Variants in SPSB4 observed in about 807,000 individuals in gnomAD.
The protein encoded by SPSB4 is splA/ryanodine receptor domain and SOCS box containing 4.
Under a neutral mutation model 20.9 loss-of-function variants are expected in SPSB4, and 21 were observed. That is an observed-to-expected ratio of 1.01 (90% CI 0.71 to 1.45). SPSB4 has a LOEUF of 1.45. Among genes scored for constraint, SPSB4 ranks in the 40% most tolerant of loss-of-function variants. The pLI is 0.00. For missense variants in SPSB4, 399 were observed against 399.2 expected (o/e 1.00, Z 0.00); for synonymous variants, 207 against 183.8 (o/e 1.13, Z -1.02).
chr3:141,100,842 G>C (rs1559848736), intron 2 of SPSB4, among the ~76,000 whole-genome samples: 1 of 152,148 alleles, frequency 6.6e-6, no homozygotes, highest in Non-Finnish European at 1.5e-5. Context: ...CAGGGGCCTA[G>C]GGAGAGAAGG....
chr3:141,141,812 A>C (rs1398348517), intron 2 of SPSB4, among the ~76,000 whole-genome samples: 1 of 151,898 alleles, frequency 6.6e-6, no homozygotes, highest in Admixed American at 6.6e-5. Context: ...ATCTCCTTTA[A>C]ATTTTCTAGT....
chr3:141,132,672 T>A (rs1041840787), intron 2 of SPSB4, among the ~76,000 whole-genome samples: 5 of 151,100 alleles, frequency 3.3e-5, no homozygotes, highest in African/African-American at 1.2e-4. Context: ...ATATATATAT[T>A]ATCATATTTG....
At chr3:141,069,425 C>T (rs867537615) in intron 2 of SPSB4, among the ~76,000 whole-genome samples, 6 of 152,240 alleles carry the variant, frequency 3.9e-5, no homozygotes, top group South Asian at 2.1e-4. Context: ...GAAGGTGACC[C>T]AAGGTGGATT....
At chr3:141,143,067 T>C (rs901064512) in intron 2 of SPSB4, among the ~76,000 whole-genome samples, 4 of 152,052 alleles carry the variant, frequency 2.6e-5, no homozygotes, top group Admixed American at 6.6e-5. Context: ...CTGCCCACCT[T>C]GGCCACCCAA....
At chr3:141,143,137 G>A (rs760701212) in intron 2 of SPSB4, among the ~76,000 whole-genome samples, 8 of 151,704 alleles carry the variant, frequency 5.3e-5, no homozygotes, top group South Asian at 2.1e-4. Context: ...TTTTTAAACT[G>A]TTGTTGCTTT....
intron 2 of SPSB4, among the ~76,000 whole-genome samples, chr3:141,130,347 A>G (rs1254804486): frequency 6.6e-6 from 1 of 152,192 alleles, no homozygotes; most frequent in Admixed American, 6.5e-5. Context: ...CAGGGGCATG[A>G]AAGCAATTCT....
chr3:141,137,091 T>C (rs1009897529), intron 2 of SPSB4, among the ~76,000 whole-genome samples: 58 of 152,182 alleles, frequency 3.8e-4, no homozygotes, highest in African/African-American at 1.3e-3. Context: ...TATTTTATTC[T>C]CTTTGAAGCA....
In SPSB4 at chr3:141,138,572, C is replaced by T. The variant is rs150904355; in HGVS notation, c.695-8570C>T. On this transcript the variant is annotated intron_variant, in intron 2 of 2. Transcript: ENST00000310546. ...TTGGTTTCAAAGAACATCTTTATTT[C>T]CGCCTTCATTTCCTTGTGAACCCAG... is the stretch of plus-strand genomic sequence containing the variant. Among the ~76,000 whole-genome samples, 1,454 of 152,230 alleles carry T rather than the reference C, an allele frequency of 9.6e-3. 27 individuals carry two copies. Among genetic ancestry groups the T allele is most frequent in the African/African-American group, 0.034 (1,395 of 41,520 alleles).
At chr3:141,055,952 C>T (rs541643440) in intron 1 of SPSB4, among the ~76,000 whole-genome samples, 3 of 152,152 alleles carry the variant, frequency 2.0e-5, no homozygotes, top group African/African-American at 2.4e-5. Flanking sequence ...ACTGGAGACC[C>T]GGCTTGAGAG....
chr3:141,087,377 G>A (rs1225940274), intron 2 of SPSB4, among the ~76,000 whole-genome samples: 1 of 152,214 alleles, frequency 6.6e-6, no homozygotes, highest in Admixed American at 6.5e-5. Context: ...CTTTAGTGAA[G>A]TGGTAGGAAG....
Position 141,066,580 on chromosome 3 carries a change from T to A in SPSB4, c.476T>A (p.Val159Glu), listed in dbSNP as rs1937885590. The A allele has an allele frequency of 1.0e-5, 16 of 1,558,264 alleles. No individual in the cohort carries two copies. The highest frequency in any genetic ancestry group is 1.4e-5 in the Non-Finnish European group (16 of 1,152,408). The change falls in exon 2 of 3, where the codon GTG becomes GAG. Residue 159 changes from valine to glutamate, a missense_variant. By Grantham distance (121) the Val-to-Glu change is moderately radical. Transcript: ENST00000310546. ...LYHDGKNQPG[V>E]AYPAFLGPDE... ...CACGACGGCAAGAACCAGCCCGGCG[T>A]GGCCTACCCGGCCTTTCTGGGGCCC... is the stretch of plus-strand genomic sequence containing the variant.
intron 2 of SPSB4, among the ~76,000 whole-genome samples, chr3:141,109,009 G>GTATT (rs1361349980): frequency 6.6e-6 from 1 of 152,152 alleles, no homozygotes; most frequent in East Asian, 1.9e-4. Flanking sequence ...GCTCTAACTG[G>GTATT]TATTTATTCA....
chr3:141,138,573 C>T (rs1442676088), intron 2 of SPSB4, among the ~76,000 whole-genome samples: 5 of 152,056 alleles, frequency 3.3e-5, no homozygotes, highest in African/African-American at 7.2e-5. Context: ...TCTTTATTTC[C>T]GCCTTCATTT....
At chr3:141,077,392 C>T (rs535152865) in intron 2 of SPSB4, 2 of 152,352 alleles carry the variant, frequency 1.3e-5, no homozygotes, top group African/African-American at 2.4e-5. Flanking sequence ...CCTCTTGTCT[C>T]CCACGCCCAT....
At chr3:141,097,273 C>A (rs1385797552) in intron 2 of SPSB4, among the ~76,000 whole-genome samples, 1 of 150,938 alleles carries the variant, frequency 6.6e-6, no homozygotes, top group African/African-American at 2.5e-5. Context: ...ATTGTTCCTG[C>A]TCTTACCTAG....
chr3:141,074,862 G>C (rs886081716), intron 2 of SPSB4, among the ~76,000 whole-genome samples: 7 of 152,360 alleles, frequency 4.6e-5, no homozygotes, highest in Middle Eastern at 3.4e-3. Flanking sequence ...AAAAGGGAAG[G>C]GGAAGAGGTA....
At chr3:141,106,939 TC>T (rs1335744634) in intron 2 of SPSB4, among the ~76,000 whole-genome samples, 6 of 152,154 alleles carry the variant, frequency 3.9e-5, no homozygotes, top group Non-Finnish European at 7.4e-5. Context: ...CTTTCTCAGG[TC>T]CCCAAATGAC....
chr3:141,142,862 C>G (rs1306540152), intron 2 of SPSB4, among the ~76,000 whole-genome samples: 3 of 129,148 alleles, frequency 2.3e-5, no homozygotes, highest in Non-Finnish European at 1.6e-5. Context: ...TGTCACCCAG[C>G]CTGGAGTGCA....
At chr3:141,095,738 G>A (rs1032443426) in intron 2 of SPSB4, among the ~76,000 whole-genome samples, 3 of 152,168 alleles carry the variant, frequency 2.0e-5, no homozygotes, top group South Asian at 2.1e-4. Flanking sequence ...GCTAACCAGG[G>A]TGGAGCTGGC....
Sources: allele counts gnomAD v4.1 joint callset (sites outside exome capture counted in the v4.1 genomes callset), GRCh38; gene constraint gnomAD v4.1.1; transcripts MANE v1.5; gene names NCBI Gene and HGNC (gene_info 2026-07-23, HGNC 2026-07-21).